The following HAVCR1 variants were observed in gnomAD, a reference collection of about 807,000 sequenced individuals.
HAVCR1 encodes T cell immunoglobin domain and mucin domain protein 1.
In HAVCR1, 34 loss-of-function variants were observed where a neutral mutation model predicts 32.0. The ratio of observed to expected loss-of-function variants is 1.06; its 90% confidence interval spans 0.81 to 1.42. The LOEUF (loss-of-function observed/expected upper bound fraction) is 1.42. HAVCR1 is among the 40% of genes most tolerant of loss of function. The pLI is 0.00. For missense variants in HAVCR1, 420 were observed against 442.3 expected (o/e 0.95, Z 0.45); for synonymous variants, 178 against 170.3 (o/e 1.05, Z -0.35).
At chr5:157,037,123 G>A in intron 7 of HAVCR1, 124 bp downstream of exon 7, 1 of 700,178 alleles carries the variant, frequency 1.4e-6, no homozygotes, top group East Asian at 2.5e-5. Flanking sequence ...TTTTACAAAT[G>A]AGGATTTGGG....
upstream of HAVCR1, among the ~76,000 whole-genome samples, chr5:157,062,771 T>A (rs1581741428): frequency 6.6e-6 from 1 of 152,206 alleles, no homozygotes; most frequent in South Asian, 2.1e-4. Flanking sequence ...TTCTTTTTTT[T>A]ATATCTTTTA....
At chr5:157,054,395 T>G (rs1234979220) in intron 3 of HAVCR1, among the ~76,000 whole-genome samples, 1 of 151,756 alleles carries the variant, frequency 6.6e-6, no homozygotes, top group Non-Finnish European at 1.5e-5. Flanking sequence ...TTCCAGCTAC[T>G]TGGGAGGCTG....
chr5:157,061,520 C>A (rs1756488513), upstream of HAVCR1, among the ~76,000 whole-genome samples: 1 of 151,860 alleles, frequency 6.6e-6, no homozygotes, highest in Non-Finnish European at 1.5e-5. Context: ...CCAGCCTGGC[C>A]AACATGGTGA....
At chr5:157,062,021 T>A (rs1382235580), upstream of HAVCR1, among the ~76,000 whole-genome samples, 1 of 152,188 alleles carries the variant, frequency 6.6e-6, no homozygotes, top group Non-Finnish European at 1.5e-5. Flanking sequence ...CACAGTGGAT[T>A]TTTTTAATGA....
At chr5:157,048,690 C>T (rs1336256191) in intron 5 of HAVCR1, among the ~76,000 whole-genome samples, 3 of 151,998 alleles carry the variant, frequency 2.0e-5, no homozygotes, top group Admixed American at 6.6e-5. Flanking sequence ...ATTAGCCGGG[C>T]GTGGTGGCGG....
At chr5:157,061,896 GA>G (rs1290097419), upstream of HAVCR1, among the ~76,000 whole-genome samples, 3 of 152,172 alleles carry the variant, frequency 2.0e-5, no homozygotes, top group Admixed American at 2.0e-4. Context: ...CAGGGATGTG[GA>G]GCCAAGGCTC....
chr5:157,037,359 T>G lies in HAVCR1; in HGVS notation c.840A>C (p.Gln280His). Reference sequence around the variant, plus strand: ...TCAGTAGACTATGTTCTAGGAACAGTTGCTGAGGAAACAACAACAGATCAA... The same window carrying G: ...TCAGTAGACTATGTTCTAGGAACAGGTGCTGAGGAAACAACAACAGATCAA... ...SDGLWNNNQT[Q>H]LFLEHSLLTA... The change falls in exon 7 of 9, where the codon CAA (glutamine) becomes CAC (histidine). Residue 280 changes from glutamine (Q) to histidine (H), a missense_variant and splice_region_variant. By Grantham distance (24) the Gln-to-His change is conservative. Coordinates refer to ENST00000523175, the MANE Select transcript of HAVCR1 (RefSeq NM_001173393.3). 4.4e-6 allele frequency: 6 copies of G among 1,361,100 alleles called. No homozygotes were observed. Among genetic ancestry groups the G allele is most frequent in the Non-Finnish European group, 6.3e-6 (6 of 953,478 alleles). The allele number at this position is 1,361,100 out of a possible 1,614,324, so 84.3% of individuals were successfully genotyped here.
At chr5:157,044,371 AG>A (rs1755096521) in intron 5 of HAVCR1, among the ~76,000 whole-genome samples, 1 of 29,222 alleles carries the variant, frequency 3.4e-5, no homozygotes, top group Non-Finnish European at 5.7e-5. Context: ...GAAAGGACGA[AG>A]GAAGGAAGGA....
chr5:157,034,276 C>G (rs1399326921), intron 7 of HAVCR1, among the ~76,000 whole-genome samples: 1 of 151,528 alleles, frequency 6.6e-6, no homozygotes, highest in East Asian at 1.9e-4. Context: ...GAGCAAAGGT[C>G]TCTGTGTCAT....
chr5:157,040,925 T>A (rs959356982), intron 6 of HAVCR1, among the ~76,000 whole-genome samples: 18 of 151,810 alleles, frequency 1.2e-4, no homozygotes, highest in Non-Finnish European at 2.4e-4. Context: ...AAATAAATAA[T>A]AAAAAATAAA....
In HAVCR1 at chr5:157,052,554, A is replaced by AGTC. The variant is rs751440289; in HGVS notation, c.477_479dup (p.Thr160dup). On this transcript the variant is annotated inframe_insertion, in exon 4 of 9. Transcript: ENST00000523175. Reference sequence around the variant, plus strand: ...TTGTTGGAACAGTTGTCGTTGGAACAGTCGTCATTGGAACAGTCGTTGTCG... The same window carrying AGTC: ...TTGTTGGAACAGTTGTCGTTGGAACAGTCGTCGTCATTGGAACAGTCGTTGTCG... 1 of 231,296 alleles carries AGTC rather than the reference A, an allele frequency of 4.3e-6. No homozygotes were observed. Among genetic ancestry groups the AGTC allele is most frequent in the Non-Finnish European group, 5.8e-6 (1 of 173,418 alleles). The allele number at this position is 231,296 out of a possible 1,614,324, so 14.3% of individuals were successfully genotyped here.
chr5:157,049,282 A>G, intron 4 of HAVCR1, 137 bp from the exon 5 acceptor site: 1 of 669,314 alleles, frequency 1.5e-6, no homozygotes, highest in South Asian at 1.8e-5. Context: ...CACAGTGGGC[A>G]TGCAGGGCTT....
rs1415210771 is a variant in HAVCR1 at position 157,029,712 on chromosome 5, C to T, written c.*21G>A. 6.2e-7 allele frequency: 1 copy of T among 1,612,712 alleles called. No individual in the cohort carries two copies. The highest frequency in any genetic ancestry group is 1.3e-5 in the African/African-American group (1 of 74,876). ...TCTTCTGCACTCATGGGCGTAAACT[C>T]TCAAAGAGCACCACTGGGTCTTAGT... On this transcript the variant is annotated 3_prime_UTR_variant, in exon 9 of 9. Coordinates refer to ENST00000523175, the MANE Select transcript of HAVCR1 (RefSeq NM_001173393.3).
In HAVCR1 at chr5:157,055,334, G is replaced by T. The variant is rs754202847; in HGVS notation, c.246C>A (p.Asp82Glu). 4.3e-6 allele frequency: 7 copies of T among 1,612,870 alleles called. No individual in the cohort carries two copies. The highest frequency in any genetic ancestry group is 8.5e-7 in the Non-Finnish European group (1 of 1,178,874). ...RKDTRYKLLG[D>E]LSRRDVSLTI... ...TCAAAGAGACATCCCTTCTTGAAAGGTCCCCCAATAGCTTATAGCGTGTGT... is the reference window on the plus strand; with the variant it reads ...TCAAAGAGACATCCCTTCTTGAAAGTTCCCCCAATAGCTTATAGCGTGTGT... Residue 82 changes from aspartate to glutamate, a missense_variant, in exon 3 of 9, where the codon GAC becomes GAA. Asp to Glu is a conservative substitution (Grantham distance 45). Coordinates refer to ENST00000523175, the MANE Select transcript of HAVCR1 (RefSeq NM_001173393.3).
At chr5:157,042,396 T>C (rs934629546) in intron 6 of HAVCR1, among the ~76,000 whole-genome samples, 1 of 145,924 alleles carries the variant, frequency 6.9e-6, no homozygotes, top group Non-Finnish European at 1.5e-5. Context: ...GAGCAGAGAT[T>C]GCACCACTGC....
intron 4 of HAVCR1, among the ~76,000 whole-genome samples, chr5:157,050,259 C>T (rs369875090): frequency 5.9e-5 from 9 of 152,300 alleles, no homozygotes; most frequent in South Asian, 2.1e-4. Flanking sequence ...AGGAGAGTCA[C>T]GTGGGCAGTC....
rs1198738330 is a variant in HAVCR1, at chr5:157,042,631, T to G, written c.833A>C (p.Gln278Pro). 1.9e-6 allele frequency: 3 copies of G among 1,581,182 alleles called. No homozygotes were observed. The East Asian group carries it at 6.7e-5, about 35-fold the overall frequency. ...AATAGGGCGGAATATGCTTACAGTT[T>G]GATTGTTATTCCAAAGGCCATCTGA... ...ESSDGLWNNNQTQLFLEHSLL... is the reference protein window; with the variant it reads ...ESSDGLWNNNPTQLFLEHSLL... Residue 278 changes from glutamine to proline, a missense_variant, in exon 6 of 9, where the codon CAA (glutamine) becomes CCA (proline). Coordinates refer to ENST00000523175, the MANE Select transcript of HAVCR1 (RefSeq NM_001173393.3).
intron 7 of HAVCR1, 98 bp downstream of exon 7, chr5:157,037,149 C>T (rs539903425): frequency 4.0e-6 from 3 of 743,384 alleles, no homozygotes; most frequent in Admixed American, 3.8e-5. Flanking sequence ...AAAGGGAAGT[C>T]GTGTGAAATC....
the HAVCR1 span, among the ~76,000 whole-genome samples, chr5:157,066,722 C>G: frequency 3.9e-5 from 6 of 152,058 alleles, no homozygotes; most frequent in African/African-American, 1.4e-4. Context: ...GGTGCACACG[C>G]TAAGTGGGCA....
Sources: allele counts gnomAD v4.1 joint callset (sites outside exome capture counted in the v4.1 genomes callset), GRCh38; gene constraint gnomAD v4.1.1; transcripts MANE v1.5; gene names NCBI Gene and HGNC (gene_info 2026-07-23, HGNC 2026-07-21).